The following FARP2 variants were observed in gnomAD, a reference collection of about 807,000 sequenced individuals.
FARP2 encodes FERM, ARHGEF and pleckstrin domain-containing protein 2.
In FARP2, 111 loss-of-function variants were observed where a neutral mutation model predicts 130.5. The observed-to-expected ratio is 0.85, with a 90% CI of 0.73 to 1.00. The LOEUF (loss-of-function observed/expected upper bound fraction) is 1.00. Among genes scored for constraint, FARP2 ranks in the 50% least tolerant of loss-of-function variants. The probability of loss-of-function intolerance (pLI) is 0.00; values close to 1 mark genes in which losing one functional copy is unlikely to be tolerated. For missense variants in FARP2, 1,385 were observed against 1,346.3 expected (o/e 1.03, Z -0.45); for synonymous variants, 504 against 516.9 (o/e 0.98, Z 0.34).
intron 13 of FARP2, among the ~76,000 whole-genome samples, chr2:241,451,496 A>G (rs983260473): frequency 1.3e-5 from 2 of 152,218 alleles, no homozygotes; most frequent in African/African-American, 4.8e-5. Flanking sequence ...CCTTGAGGAT[A>G]TAGTGAGATA....
chr2:241,448,262 G>A (rs376758189), intron 13 of FARP2, among the ~76,000 whole-genome samples: 15 of 152,122 alleles, frequency 9.9e-5, no homozygotes, highest in South Asian at 2.1e-4. Flanking sequence ...CCCAGCATCC[G>A]CTGCCTAAGG....
At chr2:241,445,503 T>C (rs2063493433) in intron 13 of FARP2, 1 of 152,168 alleles carries the variant, frequency 6.6e-6, no homozygotes. Flanking sequence ...TTTACAGTGG[T>C]TAAATAGCAA....
Position 241,484,318 on chromosome 2 carries a change from T to G in FARP2, c.2408T>G (p.Leu803Arg), listed in dbSNP as rs778230448. 1.2e-6 allele frequency: 2 copies of G among 1,613,968 alleles called. No individual in the cohort carries two copies. The highest frequency in any genetic ancestry group is 2.2e-5 in the East Asian group (1 of 44,878). Reference protein sequence around the residue: ...SHFRIRGLLPLQGMLVEESDN... With the variant: ...SHFRIRGLLPRQGMLVEESDN... ...TTCCGGATCCGGGGCCTCCTTCCCC[T>G]CCAAGGCATGCTGGTGAGTGGTCTT... Residue 803 changes from leucine (L) to arginine (R), a missense_variant, in exon 21 of 27, where the codon CTC becomes CGC. Physicochemically the swap from Leu to Arg is moderately radical, Grantham distance 102. Transcript: ENST00000264042.
At chr2:241,411,011 C>T (rs1244379516) in intron 5 of FARP2, 22 bp from the exon 6 acceptor site, 5 of 1,496,746 alleles carry the variant, frequency 3.3e-6, no homozygotes, top group Non-Finnish European at 1.9e-6. Context: ...TGATCTCTGT[C>T]TTATTTTGAA....
At chr2:241,441,663 C>T (rs771981639) in intron 13 of FARP2, 107 bp downstream of exon 13, 6 of 1,477,296 alleles carry the variant, frequency 4.1e-6, no homozygotes, top group Non-Finnish European at 3.8e-6. Flanking sequence ...GGGAGCTCAG[C>T]GCTGCTTGTA....
intron 8 of FARP2, among the ~76,000 whole-genome samples, chr2:241,423,710 A>G (rs1574794693): frequency 6.6e-6 from 1 of 152,358 alleles, no homozygotes; most frequent in East Asian, 1.9e-4. Flanking sequence ...GCTGTCTTCA[A>G]GAGACCTGTC....
chr2:241,493,074 T>C (rs756312410), intron 25 of FARP2, 38 bp downstream of exon 25: 1 of 1,262,118 alleles, frequency 7.9e-7, no homozygotes, highest in Non-Finnish European at 1.2e-6. Context: ...CAGGTGATGC[T>C]AGCAGACAGA....
chr2:241,363,530 A>T (rs1317369286), intron 1 of FARP2, among the ~76,000 whole-genome samples: 2 of 152,226 alleles, frequency 1.3e-5, no homozygotes, highest in African/African-American at 4.8e-5. Flanking sequence ...GACCCCATGA[A>T]GTTGTTAGTT....
chr2:241,358,203 AT>A lies in FARP2; in HGVS notation c.-25+1816del, dbSNP rs1390199526. 1.3e-4 allele frequency among the ~76,000 whole-genome samples: 20 copies of A among 152,248 alleles called. No homozygotes were observed. In the East Asian group the frequency reaches 1.3e-3, roughly 10 times the overall value. The stretch of plus-strand genomic sequence containing the variant: ...GACTCTGTCTCAAAAAAATAAAAAA[AT>A]AAATAAAAAAAGCTGTGTTAACAAG... On this transcript the variant is annotated intron_variant, in intron 1 of 26. Coordinates refer to ENST00000264042, the MANE Select transcript of FARP2 (RefSeq NM_014808.4).
chr2:241,378,758 A>C (rs1318310558), intron 2 of FARP2, among the ~76,000 whole-genome samples: 3 of 152,110 alleles, frequency 2.0e-5, no homozygotes, highest in Non-Finnish European at 4.4e-5. Context: ...AATCTGTATG[A>C]TGTATTTAGG....
In FARP2 at chr2:241,457,337, T is replaced by C. The variant is rs150387674; in HGVS notation, c.1587+415T>C. Among the ~76,000 whole-genome samples, 14 of 150,976 alleles carry C rather than the reference T, an allele frequency of 9.3e-5. No homozygotes were observed. The East Asian group carries it at 2.8e-3, about 31-fold the overall frequency. ...CTTGGTCAAGCTTCTACTTTGACAA[T>C]TGAGTAACTGGGAGGAAAGATCTGG... On this transcript the variant is annotated intron_variant, in intron 14 of 26. Transcript: ENST00000264042.
At chr2:241,425,944 GGT>G (rs1191352069) in intron 8 of FARP2, among the ~76,000 whole-genome samples, 1 of 146,682 alleles carries the variant, frequency 6.8e-6, no homozygotes. Context: ...TTTTAAATTT[GGT>G]GTGTGTGGGG....
Position 241,435,982 on chromosome 2 carries a change from G to A in FARP2, c.1101-499G>A, listed in dbSNP as rs559026661. The stretch of plus-strand genomic sequence containing the variant: ...GGCTGGAGTGCAGTAGTGTGATCTC[G>A]GCTCACTGCAAGCTCCACCTCCTGG... On this transcript the variant is annotated intron_variant, in intron 11 of 26. Coordinates refer to ENST00000264042, the MANE Select transcript of FARP2 (RefSeq NM_014808.4). Among the ~76,000 whole-genome samples the A allele has an allele frequency of 4.5e-5, 6 of 133,972 alleles. No individual in the cohort carries two copies. In the South Asian group the frequency reaches 1.2e-3, roughly 27 times the overall value. 87.9% of individuals were successfully genotyped at this position (133,972 alleles called of 152,430 possible). A position where few individuals can be genotyped will look rare whatever the true frequency, so the allele number is the denominator to read the frequency against.
At chr2:241,410,421 G>C (rs1025818138) in intron 5 of FARP2, among the ~76,000 whole-genome samples, 3 of 142,318 alleles carry the variant, frequency 2.1e-5, no homozygotes, top group African/African-American at 7.9e-5. Flanking sequence ...GCCTGAAAAG[G>C]CTAATTTCTT....
At position 241,411,119 on chromosome 2, in the gene FARP2, A is replaced by G. The variant is rs2062506743; in HGVS notation, c.497A>G (p.His166Arg). 6.2e-7 allele frequency: 1 copy of G among 1,609,430 alleles called. No individual in the cohort carries two copies. Among genetic ancestry groups the G allele is most frequent in the Non-Finnish European group, 8.5e-7 (1 of 1,177,078 alleles). ...ACCACAGCGGCCCTTCTCACGTCCC[A>G]TCTCCTGCAGTGTGAGTATCTCCCC... ...ADTTAALLTS[H>R]LLQSEIGDYD... Residue 166 changes from histidine to arginine, a missense_variant, in exon 6 of 27, where the codon CAT (histidine) becomes CGT (arginine). By Grantham distance (29) the His-to-Arg change is conservative (BLOSUM62 0). Coordinates refer to ENST00000264042, the MANE Select transcript of FARP2 (RefSeq NM_014808.4).
chr2:241,371,262 G>A (rs1454633112), intron 1 of FARP2, among the ~76,000 whole-genome samples: 1 of 152,170 alleles, frequency 6.6e-6, no homozygotes, highest in Admixed American at 6.5e-5. Context: ...GTCGGAGGAT[G>A]AGTTGAGGCC....
chr2:241,373,576 A>G (rs1202881389), intron 2 of FARP2, among the ~76,000 whole-genome samples: 1 of 152,224 alleles, frequency 6.6e-6, no homozygotes, highest in Non-Finnish European at 1.5e-5. Flanking sequence ...CTGGAGCCAG[A>G]TGGTACACCC....
chr2:241,369,748 G>C (rs562512246), intron 1 of FARP2, among the ~76,000 whole-genome samples: 6 of 152,170 alleles, frequency 3.9e-5, no homozygotes, highest in Non-Finnish European at 7.4e-5. Flanking sequence ...GAATGCCTTT[G>C]GTGACCAAAG....
intron 8 of FARP2, among the ~76,000 whole-genome samples, chr2:241,427,848 C>G (rs1030529661): frequency 6.6e-6 from 1 of 152,092 alleles, no homozygotes; most frequent in African/African-American, 2.4e-5. Flanking sequence ...TCACTGCAAC[C>G]TCCGCCTCCC....
Sources: gnomAD v4.1 joint callset for allele counts (sites outside exome capture counted in the v4.1 genomes callset) on GRCh38, gnomAD v4.1.1 for gene constraint, MANE v1.5 for transcripts, NCBI Gene and HGNC (gene_info 2026-07-23, HGNC 2026-07-21) for gene names.